The following FREM1 variants were observed in gnomAD, a reference collection of about 807,000 sequenced individuals.
FREM1 encodes FRAS1-related extracellular matrix protein 1.
FREM1 carries 220 observed loss-of-function variants against 210.1 expected under a neutral mutation model. The ratio of observed to expected loss-of-function variants is 1.05; its 90% CI spans 0.94 to 1.17. The LOEUF is 1.17. Among genes scored for constraint, FREM1 ranks in the 50% most tolerant of loss-of-function variants. FREM1 has a pLI of 0.00. For missense variants in FREM1, 3,454 were observed against 2,675.5 expected (o/e 1.29, Z -6.42); for synonymous variants, 1,189 against 980.2 (o/e 1.21, Z -3.98).
intron 28 of FREM1, among the ~76,000 whole-genome samples, chr9:14,759,561 T>C (rs1365940403): frequency 1.0e-5 from 1 of 97,880 alleles, no homozygotes; most frequent in African/African-American, 3.8e-5. Context: ...CAGCAACACG[T>C]ACACTAAAAA....
chr9:14,859,844 G>A (rs1032752226), intron 3 of FREM1, among the ~76,000 whole-genome samples: 2 of 152,150 alleles, frequency 1.3e-5, no homozygotes, highest in Admixed American at 6.5e-5. Context: ...TTTTAATTCA[G>A]GAGTGAAGGG....
intron 28 of FREM1, among the ~76,000 whole-genome samples, chr9:14,757,787 C>T (rs1039199757): frequency 6.6e-6 from 1 of 152,028 alleles, no homozygotes; most frequent in African/African-American, 2.4e-5. Flanking sequence ...TCAAAGGCCC[C>T]CTCATATATT....
chr9:14,861,187 A>ATG (rs1491472844), intron 3 of FREM1, among the ~76,000 whole-genome samples: 2 of 122,452 alleles, frequency 1.6e-5, no homozygotes, highest in African/African-American at 7.5e-5. Context: ...ATATATACAC[A>ATG]TATATACATA....
intron 10 of FREM1, among the ~76,000 whole-genome samples, chr9:14,837,758 T>C (rs917240973): frequency 5.9e-5 from 9 of 152,124 alleles, no homozygotes; most frequent in Non-Finnish European, 1.3e-4. Context: ...TGCAGGAGAA[T>C]AGAAAAATGA....
intron 29 of FREM1, chr9:14,751,822 G>A (rs1402965126): frequency 6.6e-6 from 1 of 152,030 alleles, no homozygotes; most frequent in Non-Finnish European, 1.5e-5. Flanking sequence ...ATGGAAAGGT[G>A]AAGCTATCCA....
chr9:14,778,512 G>A (rs1262430479), intron 24 of FREM1, among the ~76,000 whole-genome samples: 1 of 149,106 alleles, frequency 6.7e-6, no homozygotes, highest in African/African-American at 2.5e-5. Flanking sequence ...GGAGGCTGAG[G>A]TGGAAGGATC....
intron 10 of FREM1, among the ~76,000 whole-genome samples, chr9:14,833,259 T>A (rs548731826): frequency 6.6e-6 from 1 of 152,198 alleles, no homozygotes; most frequent in Non-Finnish European, 1.5e-5. Flanking sequence ...TCCAGCTGCA[T>A]GGCTCCTGGG....
intron 1 of FREM1, among the ~76,000 whole-genome samples, chr9:14,885,153 T>C (rs917788905): frequency 1.1e-4 from 16 of 152,014 alleles, no homozygotes; most frequent in Middle Eastern, 3.4e-3. Flanking sequence ...CTCGATCTCC[T>C]GAGCTCGTGA....
rs759667048 is a variant in FREM1 at position 14,740,141 on chromosome 9, A to G, written c.6340+8T>C. ...CTCCTCAGTGCAGCCTCCCTCCCAGATACTTGCCTATCCAAAAGGACTTTC... is the reference window on the plus strand; with the variant it reads ...CTCCTCAGTGCAGCCTCCCTCCCAGGTACTTGCCTATCCAAAAGGACTTTC... On this transcript the variant is annotated splice_region_variant and intron_variant, in intron 36 of 36. Transcript: ENST00000380880. 4 of 1,602,560 alleles carry G rather than the reference A, an allele frequency of 2.5e-6. No homozygotes were observed. In the Admixed American group the frequency reaches 6.7e-5, roughly 27 times the overall value.
intron 13 of FREM1, among the ~76,000 whole-genome samples, chr9:14,822,690 A>T (rs1381828679): frequency 6.6e-6 from 1 of 152,206 alleles, no homozygotes; most frequent in African/African-American, 2.4e-5. Flanking sequence ...AAGTCCTTTC[A>T]GGCTTACACA....
intron 15 of FREM1, among the ~76,000 whole-genome samples, chr9:14,815,139 G>A (rs1563992555): frequency 6.6e-6 from 1 of 152,172 alleles, no homozygotes; most frequent in Non-Finnish European, 1.5e-5. Flanking sequence ...ATAGAGAGGT[G>A]CACAGGAACT....
intron 1 of FREM1, among the ~76,000 whole-genome samples, chr9:14,877,030 T>C (rs1370944436): frequency 6.6e-6 from 1 of 152,180 alleles, no homozygotes; most frequent in African/African-American, 2.4e-5. Context: ...TCCACACTCC[T>C]GCAGTCCTCT....
chr9:14,807,949 T>C lies in FREM1; in HGVS notation c.3079A>G (p.Ile1027Val), dbSNP rs1389846180. The stretch of plus-strand genomic sequence containing the variant: ...AAAAACACATTGTCACCTATTGCAA[T>C]GGAAGGTGGCTGGTTGTCTACTGGG... ...VYPVDNQPPS[I>V]AIGPVFVVDE... is the part of the protein sequence containing the mutation. Residue 1027 changes from isoleucine to valine, a missense_variant, in exon 17 of 37, where the codon ATT becomes GTT. Ile to Val is a conservative substitution (Grantham distance 29). Coordinates refer to ENST00000380880, the MANE Select transcript of FREM1 (RefSeq NM_001379081.2). The C allele has an allele frequency of 5.0e-6, 8 of 1,611,794 alleles. No individual in the cohort carries two copies. Among genetic ancestry groups the C allele is most frequent in the Middle Eastern group, 1.7e-4 (1 of 6,034 alleles).
At chr9:14,884,047 G>A (rs1178522892) in intron 1 of FREM1, among the ~76,000 whole-genome samples, 1 of 152,108 alleles carries the variant, frequency 6.6e-6, no homozygotes, top group Non-Finnish European at 1.5e-5. Flanking sequence ...TGACTAACAC[G>A]GCGAAACCCT....
chr9:14,737,932 A>G (rs1342731868), intron 36 of FREM1, among the ~76,000 whole-genome samples: 2 of 152,218 alleles, frequency 1.3e-5, no homozygotes, highest in African/African-American at 4.8e-5. Flanking sequence ...CTTGGCATAT[A>G]TAAGTGTTTA....
chr9:14,895,913 A>C (rs1349871628), intron 1 of FREM1, among the ~76,000 whole-genome samples: 1 of 152,132 alleles, frequency 6.6e-6, no homozygotes, highest in Non-Finnish European at 1.5e-5. Context: ...TTCTCTTATA[A>C]AAGGGAGGGG....
At chr9:14,764,622 AGAG>A (rs1404363080) in intron 27 of FREM1, among the ~76,000 whole-genome samples, 1 of 152,138 alleles carries the variant, frequency 6.6e-6, no homozygotes, top group Non-Finnish European at 1.5e-5. Flanking sequence ...ACAACTGGGA[AGAG>A]GATGGTGCTG....
intron 20 of FREM1, among the ~76,000 whole-genome samples, chr9:14,800,379 G>A (rs1320434663): frequency 1.3e-5 from 2 of 152,168 alleles, no homozygotes; most frequent in Admixed American, 6.5e-5. Flanking sequence ...TTCAGGAACC[G>A]CACACTTTTC....
At chr9:14,904,315 G>T (rs1817311673) in intron 1 of FREM1, among the ~76,000 whole-genome samples, 1 of 152,046 alleles carries the variant, frequency 6.6e-6, no homozygotes, top group Non-Finnish European at 1.5e-5. Flanking sequence ...TTTAAACAAA[G>T]ATATAGAAGA....
Sources: allele counts gnomAD v4.1 joint callset (sites outside exome capture counted in the v4.1 genomes callset), GRCh38; gene constraint gnomAD v4.1.1; transcripts MANE v1.5; gene names NCBI Gene and HGNC (gene_info 2026-07-23, HGNC 2026-07-21).